Variants in CTNNA3 observed in about 807,000 individuals in gnomAD.
CTNNA3 encodes catenin alpha-3.
Under a neutral mutation model 95.7 loss-of-function variants are expected in CTNNA3, and 76 were observed. The observed-to-expected ratio is 0.79, with a 90% CI of 0.66 to 0.96. The LOEUF (loss-of-function observed/expected upper bound fraction) is 0.96. Among genes scored for constraint, CTNNA3 ranks in the 40% least tolerant of loss-of-function variants. CTNNA3 has a pLI of 0.00. For synonymous variants in CTNNA3, 431 were observed against 374.4 expected, an observed-to-expected ratio of 1.15 and a Z score of -1.74; for missense variants, 1,191 against 1,089.8, an observed-to-expected ratio of 1.09 and a Z score of -1.31.
At chr10:67,704,357 T>G (rs11812948) in intron 1 of CTNNA3, among the ~76,000 whole-genome samples, 4 of 152,064 alleles carry the variant, frequency 2.6e-5, no homozygotes, top group Non-Finnish European at 5.9e-5. Flanking sequence ...GGAGGCATCA[T>G]GCTACCTGAC....
At chr10:67,484,079 T>C (rs777846011) in intron 5 of CTNNA3, among the ~76,000 whole-genome samples, 5 of 152,160 alleles carry the variant, frequency 3.3e-5, no homozygotes, top group Non-Finnish European at 5.9e-5. Context: ...CTTCAAACTA[T>C]ACTCTAAGGC....
intron 9 of CTNNA3, among the ~76,000 whole-genome samples, chr10:66,634,820 T>G (rs1176313481): frequency 6.6e-6 from 1 of 152,138 alleles, no homozygotes; most frequent in African/African-American, 2.4e-5. Context: ...GGTATCAGTA[T>G]GCTGCGTCAG....
intron 7 of CTNNA3, among the ~76,000 whole-genome samples, chr10:67,022,135 A>T (rs1043367546): frequency 1.3e-5 from 2 of 152,276 alleles, no homozygotes; most frequent in Admixed American, 6.5e-5. Context: ...GTGGGAAAAA[A>T]ATATATATCA....
chr10:67,733,326 A>C (rs1554879977), intron 1 of CTNNA3, among the ~76,000 whole-genome samples: 1 of 152,236 alleles, frequency 6.6e-6, no homozygotes, highest in Non-Finnish European at 1.5e-5. Flanking sequence ...AAAGGGTTCC[A>C]AAGTCAGATC....
chr10:66,369,424 G>T (rs1477758896), intron 12 of CTNNA3, among the ~76,000 whole-genome samples: 1 of 152,024 alleles, frequency 6.6e-6, no homozygotes, highest in African/African-American at 2.4e-5. Context: ...TCCAATTGTG[G>T]CTATCTTTAG....
At chr10:67,344,357 C>CCTCAAAGA (rs1842334726) in intron 5 of CTNNA3, among the ~76,000 whole-genome samples, 1 of 151,726 alleles carries the variant, frequency 6.6e-6, no homozygotes, top group African/African-American at 2.4e-5. Flanking sequence ...GTACCACTGG[C>CCTCAAAGA]CTCAAAGAGA....
intron 4 of CTNNA3, among the ~76,000 whole-genome samples, chr10:67,528,033 C>G (rs1429136215): frequency 6.6e-6 from 1 of 152,138 alleles, no homozygotes; most frequent in Non-Finnish European, 1.5e-5. Flanking sequence ...CATTAGGTAT[C>G]CACCTTACAG....
chr10:66,300,362 T>C (rs1211521254), intron 12 of CTNNA3, among the ~76,000 whole-genome samples: 1 of 152,002 alleles, frequency 6.6e-6, no homozygotes, highest in Non-Finnish European at 1.5e-5. Flanking sequence ...GTATTGAAAA[T>C]TCTTTGATAC....
At chr10:66,953,836 G>T (rs1264134216) in intron 7 of CTNNA3, among the ~76,000 whole-genome samples, 1 of 152,144 alleles carries the variant, frequency 6.6e-6, no homozygotes, top group African/African-American at 2.4e-5. Context: ...AGAGACACTG[G>T]TCAGTTCAAA....
intron 15 of CTNNA3, among the ~76,000 whole-genome samples, chr10:65,996,129 C>G (rs1024808732): frequency 2.0e-5 from 3 of 152,152 alleles, no homozygotes; most frequent in Admixed American, 2.0e-4. Context: ...AGTTGGCTCT[C>G]AGGCTCTTGG....
At chr10:67,754,574 A>G (rs1375391173) in intron 1 of CTNNA3, among the ~76,000 whole-genome samples, 1 of 152,174 alleles carries the variant, frequency 6.6e-6, no homozygotes, top group African/African-American at 2.4e-5. Flanking sequence ...AAACTATGAA[A>G]CTAGTATTAA....
chr10:66,655,035 A>G (rs1298710539), intron 9 of CTNNA3, among the ~76,000 whole-genome samples: 2 of 152,034 alleles, frequency 1.3e-5, no homozygotes, highest in Non-Finnish European at 2.9e-5. Flanking sequence ...CAACCCGGTG[A>G]GTGGAGTTAA....
intron 10 of CTNNA3, among the ~76,000 whole-genome samples, chr10:66,546,399 A>G (rs758402886): frequency 2.0e-4 from 31 of 152,232 alleles, no homozygotes; most frequent in African/African-American, 6.7e-4. Flanking sequence ...TAATAAATGT[A>G]TATTTCTGTA....
intron 12 of CTNNA3, among the ~76,000 whole-genome samples, chr10:66,335,328 T>C (rs1017568473): frequency 6.6e-6 from 1 of 152,132 alleles, no homozygotes; most frequent in African/African-American, 2.4e-5. Context: ...GTTTCCAGTT[T>C]TTCTGCTTTG....
intron 11 of CTNNA3, among the ~76,000 whole-genome samples, chr10:66,408,121 A>C (rs759491589): frequency 1.6e-4 from 24 of 152,204 alleles, no homozygotes; most frequent in Non-Finnish European, 3.4e-4. Flanking sequence ...ATGCCTACAC[A>C]TAGCTTCATC....
chr10:67,357,598 A>C (rs761145070), intron 5 of CTNNA3, among the ~76,000 whole-genome samples: 3 of 152,118 alleles, frequency 2.0e-5, no homozygotes, highest in South Asian at 2.1e-4. Flanking sequence ...TAAATATGTC[A>C]ATTCTTCTTA....
intron 10 of CTNNA3, among the ~76,000 whole-genome samples, chr10:66,584,660 T>G (rs190718497): frequency 1.3e-5 from 2 of 152,114 alleles, no homozygotes; most frequent in African/African-American, 2.4e-5. Flanking sequence ...TGCATCTTTT[T>G]AAAGTGGAGC....
chr10:66,782,018 T>C (rs1248360817), intron 7 of CTNNA3, among the ~76,000 whole-genome samples: 5 of 152,148 alleles, frequency 3.3e-5, no homozygotes, highest in African/African-American at 1.2e-4. Flanking sequence ...ATATCTGTTA[T>C]GTAAGCTTTA....
chr10:66,671,888 C>G (rs1846673627), intron 9 of CTNNA3, among the ~76,000 whole-genome samples: 1 of 152,150 alleles, frequency 6.6e-6, no homozygotes, highest in Non-Finnish European at 1.5e-5. Context: ...ATAATACATA[C>G]AAGTAAATAC....
Sources: gnomAD v4.1 joint callset for allele counts (sites outside exome capture counted in the v4.1 genomes callset) on GRCh38, gnomAD v4.1.1 for gene constraint, MANE v1.5 for transcripts, NCBI Gene and HGNC (gene_info 2026-07-23, HGNC 2026-07-21) for gene names.